SPOCK1: variants seen among roughly 807,000 people sequenced by gnomAD.
SPOCK1 encodes the protein testican-1.
Under a neutral mutation model 55.3 loss-of-function variants are expected in SPOCK1, and 23 were observed. The ratio of observed to expected loss-of-function variants is 0.42; its 90% CI spans 0.30 to 0.59. The LOEUF (loss-of-function observed/expected upper bound fraction) is 0.59, where lower values mean the gene tolerates loss of function less well. SPOCK1 is among the 20% of genes least tolerant of loss of function. The probability of loss-of-function intolerance (pLI) is 0.22; values close to 1 mark genes in which losing one functional copy is unlikely to be tolerated. For synonymous variants in SPOCK1, 226 were observed against 221.0 expected, an observed-to-expected ratio of 1.02 and a Z score of -0.20; for missense variants, 499 against 552.5, an observed-to-expected ratio of 0.90 and a Z score of 0.97.
At chr5:137,155,265 C>T (rs1754393260) in intron 3 of SPOCK1, among the ~76,000 whole-genome samples, 1 of 152,190 alleles carries the variant, frequency 6.6e-6, no homozygotes, top group African/African-American at 2.4e-5. Context: ...ATTGTGTTGC[C>T]TCTAATGTCT....
chr5:137,111,746 A>G (rs1222724287), intron 5 of SPOCK1, among the ~76,000 whole-genome samples: 1 of 152,122 alleles, frequency 6.6e-6, no homozygotes, highest in East Asian at 1.9e-4. Flanking sequence ...CTTAGGTGAA[A>G]TGCCCCTCTA....
intron 3 of SPOCK1, among the ~76,000 whole-genome samples, chr5:137,152,484 A>C (rs1371500358): frequency 6.6e-6 from 1 of 152,234 alleles, no homozygotes; most frequent in Admixed American, 6.5e-5. Context: ...TTCCTAAGAC[A>C]AGCATAAAAC....
At chr5:137,471,489 A>T (rs971402633) in intron 2 of SPOCK1, among the ~76,000 whole-genome samples, 1 of 152,180 alleles carries the variant, frequency 6.6e-6, no homozygotes, top group Admixed American at 6.5e-5. Context: ...GCCCATAGTA[A>T]ATTCTCAGTC....
chr5:137,212,391 A>G (rs187441516), intron 3 of SPOCK1, among the ~76,000 whole-genome samples: 1 of 152,324 alleles, frequency 6.6e-6, no homozygotes, highest in Admixed American at 6.5e-5. Flanking sequence ...CTGGCAAATA[A>G]TAAGTTTGCA....
At chr5:137,004,837 T>TG (rs1341334519) in intron 6 of SPOCK1, among the ~76,000 whole-genome samples, 3 of 152,124 alleles carry the variant, frequency 2.0e-5, no homozygotes, top group African/African-American at 7.2e-5. Context: ...AAAAATAGAC[T>TG]TCCTACAGGC....
intron 9 of SPOCK1, among the ~76,000 whole-genome samples, chr5:136,981,140 G>C (rs1326325885): frequency 1.3e-5 from 2 of 152,168 alleles, no homozygotes; most frequent in Admixed American, 1.3e-4. Flanking sequence ...GACTTAGAGA[G>C]TGGGGCTGAG....
intron 4 of SPOCK1, among the ~76,000 whole-genome samples, chr5:137,136,613 T>C (rs967555926): frequency 6.6e-6 from 1 of 152,200 alleles, no homozygotes; most frequent in African/African-American, 2.4e-5. Context: ...GTGTGACCAT[T>C]GCCTATTTCT....
At chr5:137,063,734 A>T in intron 6 of SPOCK1, among the ~76,000 whole-genome samples, 1 of 152,238 alleles carries the variant, frequency 6.6e-6, no homozygotes. Flanking sequence ...AACCTGAGAC[A>T]GGTGGGGAGC....
In SPOCK1 at chr5:137,002,022, C is replaced by T. The variant is rs73292209; in HGVS notation, c.590-9422G>A. ...ACTGCCTAAAACATCAATATATATG[C>T]GTGTTCTCTTATCCTTAGAGAATGC... On this transcript the variant is annotated intron_variant, in intron 6 of 10. Coordinates refer to ENST00000394945, the MANE Select transcript of SPOCK1 (RefSeq NM_004598.4). Among the ~76,000 whole-genome samples the T allele has an allele frequency of 8.4e-3, 1,274 of 152,196 alleles. 17 individuals carry two copies. The highest frequency in any genetic ancestry group is 0.028 in the African/African-American group (1,165 of 41,526).
At chr5:137,134,079 T>G (rs539240635) in intron 4 of SPOCK1, among the ~76,000 whole-genome samples, 1 of 152,294 alleles carries the variant, frequency 6.6e-6, no homozygotes, top group East Asian at 1.9e-4. Flanking sequence ...GCATGGACTC[T>G]GGAAGTGCAG....
rs747680249 is a variant in SPOCK1 at position 137,498,413 on chromosome 5, G to A, written c.146C>T (p.Ser49Phe). 2 of 1,607,460 alleles carry A rather than the reference G, an allele frequency of 1.2e-6. No homozygotes were observed. ...CCAGTACTTGTCCCGGTCGTACTGG[G>A]AGACGGTGCTCAGCCACTGGTCATT... Reference protein sequence around the residue: ...LDNDQWLSTVSQYDRDKYWNR... With the variant: ...LDNDQWLSTVFQYDRDKYWNR... The change falls in exon 2 of 11, where the codon TCC becomes TTC. Residue 49 changes from serine (S) to phenylalanine (F), a missense_variant. Transcript: ENST00000394945.
chr5:137,222,858 A>G (rs1010108982), intron 3 of SPOCK1, among the ~76,000 whole-genome samples: 1 of 152,218 alleles, frequency 6.6e-6, no homozygotes. Context: ...TGAAAACAAA[A>G]TCTTACACTT....
At chr5:137,115,555 T>G (rs1753561842) in intron 4 of SPOCK1, among the ~76,000 whole-genome samples, 1 of 152,220 alleles carries the variant, frequency 6.6e-6, no homozygotes, top group Non-Finnish European at 1.5e-5. Context: ...ATACTTGATA[T>G]CAGGTGGTTA....
intron 4 of SPOCK1, among the ~76,000 whole-genome samples, chr5:137,128,125 C>A (rs1353501134): frequency 6.6e-6 from 1 of 152,076 alleles, no homozygotes; most frequent in Non-Finnish European, 1.5e-5. Context: ...TAAAAGAAGG[C>A]CCGTAGATAT....
intron 2 of SPOCK1, among the ~76,000 whole-genome samples, chr5:137,429,516 T>C (rs935587071): frequency 6.6e-6 from 1 of 152,254 alleles, no homozygotes; most frequent in Admixed American, 6.5e-5. Flanking sequence ...AAGTTCAACA[T>C]GCTCAGTACA....
intron 2 of SPOCK1, among the ~76,000 whole-genome samples, chr5:137,311,297 T>C (rs77548500): frequency 0.03 from 4,524 of 152,228 alleles, 228 homozygotes; most frequent in African/African-American, 0.1. Flanking sequence ...CTCCCTACAT[T>C]CTCTTGTTGA....
At chr5:137,234,267 C>T (rs1756129959) in intron 3 of SPOCK1, among the ~76,000 whole-genome samples, 1 of 152,124 alleles carries the variant, frequency 6.6e-6, no homozygotes, top group Non-Finnish European at 1.5e-5. Context: ...TTTCCCTTAG[C>T]CTCTTACCCT....
rs538126191 is a variant in SPOCK1, at chr5:137,020,958, T to A, written c.590-28358A>T. 7.4e-4 allele frequency among the ~76,000 whole-genome samples: 113 copies of A among 152,216 alleles called. 1 individual carries two copies. Among genetic ancestry groups the A allele is most frequent in the Middle Eastern group, 6.8e-3 (2 of 294 alleles). ...CTTTCATGCACTCATGGTAGAAGCA[T>A]CAGTGGAACAATGACTGTGGAATAC... On this transcript the variant is annotated intron_variant, in intron 6 of 10. Coordinates refer to ENST00000394945, the MANE Select transcript of SPOCK1 (RefSeq NM_004598.4).
chr5:137,290,476 T>C (rs1580849391), intron 2 of SPOCK1, among the ~76,000 whole-genome samples: 1 of 152,188 alleles, frequency 6.6e-6, no homozygotes, highest in African/African-American at 2.4e-5. Flanking sequence ...GAGAATACAA[T>C]TAGGGGAGCA....
Sources: allele counts gnomAD v4.1 joint callset (sites outside exome capture counted in the v4.1 genomes callset), GRCh38; gene constraint gnomAD v4.1.1; transcripts MANE v1.5; gene names NCBI Gene and HGNC (gene_info 2026-07-23, HGNC 2026-07-21).